The following FMNL2 variants were observed in gnomAD, a reference collection of about 807,000 sequenced individuals.
The protein encoded by FMNL2 is formin-like protein 2.
FMNL2 carries 51 observed loss-of-function variants against 130.2 expected under a neutral mutation model. That is an observed-to-expected ratio of 0.39 (90% CI 0.31 to 0.49). The LOEUF (loss-of-function observed/expected upper bound fraction) is 0.49, where lower values mean the gene tolerates loss of function less well. FMNL2 is among the 20% of genes least tolerant of loss of function. The probability of loss-of-function intolerance (pLI) is 0.85; values close to 1 mark genes in which losing one functional copy is unlikely to be tolerated. For synonymous variants in FMNL2, 465 were observed against 467.1 expected, an observed-to-expected ratio of 1.00 and a Z score of 0.06; for missense variants, 977 against 1,316.2, an observed-to-expected ratio of 0.74 and a Z score of 3.99.
At chr2:152,591,737 T>TCAAGACTGCGGTGAGC (rs1466080948) in intron 9 of FMNL2, among the ~76,000 whole-genome samples, 5 of 151,570 alleles carry the variant, frequency 3.3e-5, no homozygotes, top group African/African-American at 4.9e-5. Context: ...GTCTAGGGGG[T>TCAAGACTGCGGTGAGC]CAAGACTGCG....
intron 11 of FMNL2, among the ~76,000 whole-genome samples, chr2:152,614,408 G>C (rs12990935): frequency 0.12 from 18,928 of 152,296 alleles, 1,320 homozygotes; most frequent in Admixed American, 0.21. Flanking sequence ...AAGATGACAT[G>C]TTAAGCTCTC....
At chr2:152,627,082 C>T (rs1021535540) in intron 17 of FMNL2, among the ~76,000 whole-genome samples, 1 of 152,152 alleles carries the variant, frequency 6.6e-6, no homozygotes, top group East Asian at 1.9e-4. Flanking sequence ...TTGAGCTGAG[C>T]GTGGCAGATG....
At chr2:152,476,450 C>T (rs1000004689) in intron 1 of FMNL2, among the ~76,000 whole-genome samples, 1 of 152,184 alleles carries the variant, frequency 6.6e-6, no homozygotes, top group African/African-American at 2.4e-5. Flanking sequence ...GTAGGAGGAT[C>T]TCTTGAGCCC....
intron 1 of FMNL2, among the ~76,000 whole-genome samples, chr2:152,418,234 T>C (rs1686719375): frequency 6.6e-6 from 1 of 152,130 alleles, no homozygotes; most frequent in Non-Finnish European, 1.5e-5. Flanking sequence ...ATTTACATGG[T>C]GATTTTCTTT....
At chr2:152,357,684 ATATT>A (rs1236792342) in intron 1 of FMNL2, among the ~76,000 whole-genome samples, 1 of 148,870 alleles carries the variant, frequency 6.7e-6, no homozygotes, top group Non-Finnish European at 1.5e-5. Context: ...GTATAACTAT[ATATT>A]AAATCAGTTT....
intron 1 of FMNL2, among the ~76,000 whole-genome samples, chr2:152,362,799 A>T (rs891858787): frequency 6.6e-6 from 1 of 152,232 alleles, no homozygotes; most frequent in Admixed American, 6.5e-5. Context: ...CCAGCAACTG[A>T]TGACTAGATA....
chr2:152,489,006 GGCT>G (rs1335765124), intron 1 of FMNL2, among the ~76,000 whole-genome samples: 1 of 152,186 alleles, frequency 6.6e-6, no homozygotes, highest in African/African-American at 2.4e-5. Context: ...AGGAGGTTGA[GGCT>G]GCAGTGAGCC....
chr2:152,452,609 C>T (rs1434886528), intron 1 of FMNL2, among the ~76,000 whole-genome samples: 2 of 152,100 alleles, frequency 1.3e-5, no homozygotes, highest in Admixed American at 6.5e-5. Context: ...ACCACAGGGG[C>T]CTTTTGGAAT....
chr2:152,479,886 C>CT (rs199526686), intron 1 of FMNL2, among the ~76,000 whole-genome samples: 7,128 of 150,880 alleles, frequency 0.047, 202 homozygotes, highest in Non-Finnish European at 0.059. Flanking sequence ...AATTTTTTGT[C>CT]TTTTTTTTTG....
intron 1 of FMNL2, among the ~76,000 whole-genome samples, chr2:152,456,803 G>T (rs953077645): frequency 1.3e-5 from 2 of 151,948 alleles, no homozygotes; most frequent in Non-Finnish European, 2.9e-5. Context: ...AAATTAACCA[G>T]GCGTGGCACC....
chr2:152,500,837 CAAAA>C (rs1691785262), intron 1 of FMNL2, among the ~76,000 whole-genome samples: 1 of 152,060 alleles, frequency 6.6e-6, no homozygotes, highest in African/African-American at 2.4e-5. Flanking sequence ...GTAAAACAAA[CAAAA>C]AAACCAGGCA....
chr2:152,639,109 C>T (rs989234178), intron 23 of FMNL2, among the ~76,000 whole-genome samples: 11 of 152,152 alleles, frequency 7.2e-5, no homozygotes, highest in Non-Finnish European at 8.8e-5. Flanking sequence ...GATGTGACTG[C>T]CAGGATGTTT....
At chr2:152,402,441 A>C (rs1241122478) in intron 1 of FMNL2, among the ~76,000 whole-genome samples, 5 of 152,086 alleles carry the variant, frequency 3.3e-5, no homozygotes, top group Non-Finnish European at 5.9e-5. Context: ...CTGGTCACTG[A>C]ATAAAACTGA....
Position 152,529,945 on chromosome 2 carries a change from C to A in FMNL2, c.201+7919C>A, listed in dbSNP as rs563674011. Among the ~76,000 whole-genome samples the A allele has an allele frequency of 2.6e-5, 4 of 152,046 alleles. No individual in the cohort carries two copies. In the South Asian group the frequency reaches 8.3e-4, roughly 32 times the overall value. On this transcript the variant is annotated intron_variant, in intron 2 of 25. Coordinates refer to ENST00000288670, the MANE Select transcript of FMNL2 (RefSeq NM_052905.4). ...TGAAATGTTTAGGCTTTAGAAGGAG[C>A]AAGATAAGTGGGGAAGGAAAAAAAA...
At chr2:152,552,190 T>C (rs964954505) in intron 4 of FMNL2, among the ~76,000 whole-genome samples, 1 of 152,238 alleles carries the variant, frequency 6.6e-6, no homozygotes, top group Non-Finnish European at 1.5e-5. Context: ...TGTAAATTCC[T>C]AATAAAGGGT....
chr2:152,514,184 A>G (rs2105371040), intron 1 of FMNL2, among the ~76,000 whole-genome samples: 1 of 152,322 alleles, frequency 6.6e-6, no homozygotes, highest in Non-Finnish European at 1.5e-5. Flanking sequence ...CAATAATGGT[A>G]TAAGGAAAAA....
chr2:152,478,915 T>C (rs1282081247), intron 1 of FMNL2, among the ~76,000 whole-genome samples: 1 of 151,446 alleles, frequency 6.6e-6, no homozygotes, highest in African/African-American at 2.4e-5. Flanking sequence ...AGTATATGCT[T>C]GATTATAAGG....
chr2:152,337,732 G>A (rs1443307401), intron 1 of FMNL2, among the ~76,000 whole-genome samples: 1 of 152,120 alleles, frequency 6.6e-6, no homozygotes, highest in Non-Finnish European at 1.5e-5. Context: ...ACACTACTGT[G>A]TGTCGCAGTT....
At chr2:152,504,850 T>C (rs1692066847) in intron 1 of FMNL2, among the ~76,000 whole-genome samples, 1 of 152,168 alleles carries the variant, frequency 6.6e-6, no homozygotes, top group Non-Finnish European at 1.5e-5. Context: ...GTATTAATAC[T>C]CTGAAGACAC....
Sources: allele counts gnomAD v4.1 joint callset (sites outside exome capture counted in the v4.1 genomes callset), GRCh38; gene constraint gnomAD v4.1.1; transcripts MANE v1.5; gene names NCBI Gene and HGNC (gene_info 2026-07-23, HGNC 2026-07-21).